Variants in PLXNA1 observed in about 807,000 individuals in gnomAD.
The protein encoded by PLXNA1 is plexin-A1.
PLXNA1 carries 77 observed loss-of-function variants against 191.7 expected under a neutral mutation model. The ratio of observed to expected loss-of-function variants is 0.40; its 90% confidence interval spans 0.33 to 0.49. The LOEUF is 0.49. PLXNA1 is among the 20% of genes least tolerant of loss of function. PLXNA1 has a pLI of 0.63. For missense variants in PLXNA1, 2,110 were observed against 2,660.2 expected, an observed-to-expected ratio of 0.79 and a Z score of 4.55; for synonymous variants, 1,137 against 1,156.4, an observed-to-expected ratio of 0.98 and a Z score of 0.34.
intron 3 of PLXNA1, among the ~76,000 whole-genome samples, chr3:126,999,307 T>G (rs930638434): frequency 1.3e-5 from 2 of 152,198 alleles, no homozygotes; most frequent in African/African-American, 2.4e-5. Context: ...TGTGGGCACC[T>G]CCTTAGCTGC....
In PLXNA1 at chr3:127,005,015, G is replaced by A; in HGVS notation, c.1743+7G>A. On this transcript the variant is annotated splice_region_variant and intron_variant, in intron 6 of 31. Coordinates refer to ENST00000393409, the MANE Select transcript of PLXNA1 (RefSeq NM_032242.4). ...CACCATGTCCCAGGTCCCAGTAAGTGTGGCACCCCAGGTGGTAAGGGGTGG... is the reference window on the plus strand; with the variant it reads ...CACCATGTCCCAGGTCCCAGTAAGTATGGCACCCCAGGTGGTAAGGGGTGG... 1 of 1,608,964 alleles carries A rather than the reference G, an allele frequency of 6.2e-7. No homozygotes were observed. The highest frequency in any genetic ancestry group is 1.1e-5 in the South Asian group (1 of 90,856).
chr3:127,003,665 G>A (rs777115882), intron 4 of PLXNA1, among the ~76,000 whole-genome samples, 195 bp downstream of exon 4: 4 of 152,208 alleles, frequency 2.6e-5, no homozygotes, highest in Non-Finnish European at 5.9e-5. Flanking sequence ...AGGGGAACCG[G>A]TCTGGTCACC....
At chr3:126,993,379 A>G (rs897898561) in intron 3 of PLXNA1, among the ~76,000 whole-genome samples, 1 of 152,088 alleles carries the variant, frequency 6.6e-6, no homozygotes. Context: ...GGAGGCAGGT[A>G]TGGGTGGAGC....
chr3:127,015,961 G>A (rs2079120925), intron 15 of PLXNA1, among the ~76,000 whole-genome samples: 1 of 152,174 alleles, frequency 6.6e-6, no homozygotes, highest in African/African-American at 2.4e-5. Flanking sequence ...GACAGGTGCC[G>A]AGAGGGAAGG....
chr3:126,995,119 T>C (rs557748025), intron 3 of PLXNA1, among the ~76,000 whole-genome samples: 1 of 152,240 alleles, frequency 6.6e-6, no homozygotes, highest in East Asian at 1.9e-4. Flanking sequence ...TGTCAAACTG[T>C]TGGGGTGTGA....
intron 15 of PLXNA1, 114 bp downstream of exon 15, chr3:127,015,434 A>C: frequency 7.4e-7 from 1 of 1,352,882 alleles, no homozygotes; most frequent in Non-Finnish European, 9.9e-7. Flanking sequence ...GGCTGGGGTG[A>C]TCACTGTGAA....
chr3:127,024,066 G>A (rs972742606), intron 23 of PLXNA1, among the ~76,000 whole-genome samples: 1 of 152,208 alleles, frequency 6.6e-6, no homozygotes, highest in East Asian at 1.9e-4. Context: ...CCTGTAGAAA[G>A]TACAGTTCTA....
chr3:126,993,037 G>C (rs1397162333), intron 3 of PLXNA1, among the ~76,000 whole-genome samples: 1 of 152,152 alleles, frequency 6.6e-6, no homozygotes, highest in Non-Finnish European at 1.5e-5. Context: ...CCAGTGACCA[G>C]GTTCCTCTAG....
chr3:127,009,600 G>C (rs979344983), intron 9 of PLXNA1, among the ~76,000 whole-genome samples: 1 of 150,670 alleles, frequency 6.6e-6, no homozygotes, highest in Admixed American at 6.6e-5. Flanking sequence ...TTTCTGGTGG[G>C]TTCCTCGGGC....
At chr3:126,984,272 C>T (rs1442217874) in intron 1 of PLXNA1, among the ~76,000 whole-genome samples, 2 of 152,178 alleles carry the variant, frequency 1.3e-5, no homozygotes, top group Non-Finnish European at 2.9e-5. Context: ...GGTTCTGGGG[C>T]CACGCCCCTT....
chr3:126,991,069 C>T (rs1177650152), intron 2 of PLXNA1, among the ~76,000 whole-genome samples: 1 of 152,218 alleles, frequency 6.6e-6, no homozygotes, highest in African/African-American at 2.4e-5. Context: ...CTTCTCCCCA[C>T]ATCCCTTCCC....
rs1220935415 is a variant in PLXNA1 at position 126,989,411 on chromosome 3, C to T, written c.818C>T (p.Ala273Val). The T allele has an allele frequency of 1.9e-6, 3 of 1,613,470 alleles. No homozygotes were observed. Among genetic ancestry groups the T allele is most frequent in the Non-Finnish European group, 2.5e-6 (3 of 1,180,052 alleles). The change falls in exon 2 of 32, where the codon GCC becomes GTC. Residue 273 changes from alanine to valine, a missense_variant. Around this residue, in one of 4 missense-constraint regions of PLXNA1, gnomAD observed 903 missense variants for 1,015.7 expected, o/e 0.89. Transcript: ENST00000393409. ...ACACAGCTGACCTCGCCTGATGCCG[C>T]CGGCGAGCACTTCTTCACGTCCAAG... The part of the protein sequence containing the change: ...LDTQLTSPDA[A>V]GEHFFTSKIV...
intron 21 of PLXNA1, among the ~76,000 whole-genome samples, chr3:127,021,751 C>G (rs1039129561): frequency 1.3e-5 from 2 of 152,208 alleles, no homozygotes; most frequent in African/African-American, 2.4e-5. Flanking sequence ...TGAGCAGCCC[C>G]TCTCATTCTG....
At chr3:127,017,329 A>AG in intron 17 of PLXNA1, 96 bp from the exon 18 acceptor site, 1 of 1,490,810 alleles carries the variant, frequency 6.7e-7, no homozygotes, top group Non-Finnish European at 9.0e-7. Context: ...TCATCTGTGC[A>AG]GGGAGCAGGC....
intron 1 of PLXNA1, 71 bp from the exon 2 acceptor site, chr3:126,988,450 C>T: frequency 1.3e-6 from 1 of 795,008 alleles, no homozygotes; most frequent in South Asian, 2.0e-5. Flanking sequence ...GAAGGGCTCA[C>T]ACTGGGAGAT....
chr3:127,015,069 C>T (rs889003151), intron 14 of PLXNA1, 115 bp from the exon 15 acceptor site: 10 of 1,444,350 alleles, frequency 6.9e-6, no homozygotes, highest in Admixed American at 6.6e-5. Flanking sequence ...CCCGGGCATG[C>T]GGGCTCCTAG....
chr3:127,032,899 C>A, intron 31 of PLXNA1, 63 bp downstream of exon 31: 1 of 1,528,994 alleles, frequency 6.5e-7, no homozygotes, highest in Non-Finnish European at 8.9e-7. Flanking sequence ...CCAGAGTCAC[C>A]TGCTCTGCCC....
Position 126,989,733 on chromosome 3 carries a change from G to T in PLXNA1, c.1140G>T (p.Glu380Asp). 2 of 1,612,972 alleles carry T rather than the reference G, an allele frequency of 1.2e-6. No homozygotes were observed. Among genetic ancestry groups the T allele is most frequent in the African/African-American group, 1.3e-5 (1 of 75,058 alleles). Residue 380 changes from glutamate to aspartate, a missense_variant, in exon 2 of 32, where the codon GAG becomes GAT. By Grantham distance (45) the Glu-to-Asp change is conservative (BLOSUM62 2). Transcript: ENST00000393409. ...KERIQSCYRG[E>D]GKLSLPWLLN... is the part of the protein sequence containing the mutation. ...GCATCCAGTCCTGCTACCGTGGTGAGGGCAAGCTCTCCCTGCCGTGGCTGC... is the reference window on the plus strand; with the variant it reads ...GCATCCAGTCCTGCTACCGTGGTGATGGCAAGCTCTCCCTGCCGTGGCTGC...
At chr3:126,991,248 C>G in intron 2 of PLXNA1, 136 bp from the exon 3 acceptor site, 1 of 879,736 alleles carries the variant, frequency 1.1e-6, no homozygotes, top group Non-Finnish European at 1.7e-6. Context: ...TAAACCCTCT[C>G]TGTCTGCACC....
Sources: gnomAD v4.1 joint callset for allele counts (sites outside exome capture counted in the v4.1 genomes callset) on GRCh38, gnomAD v4.1.1 for gene constraint, gnomAD v4.1.1 regional missense constraint, MANE v1.5 for transcripts, NCBI Gene and HGNC (gene_info 2026-07-23, HGNC 2026-07-21) for gene names.